USP40: variants seen among roughly 807,000 people sequenced by gnomAD.
USP40 encodes ubiquitin specific peptidase 40.
A neutral mutation model predicts 166.2 loss-of-function variants in USP40; 143 were observed. The observed-to-expected ratio is 0.86, with a 90% CI of 0.75 to 0.99. USP40 has a LOEUF of 0.99. Ranked by LOEUF, USP40 falls within the 50% of genes least tolerant of loss-of-function variation. The probability of loss-of-function intolerance (pLI) is 0.00; values close to 1 mark genes in which losing one functional copy is unlikely to be tolerated. For missense variants in USP40, 1,444 were observed against 1,479.7 expected (o/e 0.98, Z 0.40); for synonymous variants, 498 against 524.0 (o/e 0.95, Z 0.68).
chr2:233,557,698 T>C (rs1364828164), intron 4 of USP40, among the ~76,000 whole-genome samples: 2 of 151,960 alleles, frequency 1.3e-5, no homozygotes, highest in African/African-American at 2.4e-5. Flanking sequence ...AGGAGGGTGG[T>C]GAGTGCTGCT....
In USP40 at chr2:233,499,948, T is replaced by C. The variant is rs757802229; in HGVS notation, c.2614-33A>G. The stretch of plus-strand genomic sequence containing the variant: ...GAAAAACAATGTCCAATGTTAGTTT[T>C]CTGTTTCTGAGTTACAGTTCTAGGA... On this transcript the variant is annotated intron_variant, in intron 21 of 31. Coordinates refer to ENST00000678225, the MANE Select transcript of USP40 (RefSeq NM_001365479.2). The C allele has an allele frequency of 2.5e-6, 4 of 1,602,838 alleles. No individual in the cohort carries two copies. The East Asian group carries it at 8.9e-5, about 36-fold the overall frequency.
chr2:233,519,547 T>C (rs1224303546), intron 18 of USP40, 67 bp downstream of exon 18: 3 of 1,045,406 alleles, frequency 2.9e-6, no homozygotes, highest in Non-Finnish European at 4.3e-6. Context: ...TATTCTCCTA[T>C]ATTTTCTTCA....
chr2:233,532,365 T>A (rs2125272578), intron 11 of USP40, among the ~76,000 whole-genome samples: 1 of 152,332 alleles, frequency 6.6e-6, no homozygotes, highest in South Asian at 2.1e-4. Flanking sequence ...GTGACCTTTG[T>A]AACTTCACTT....
At position 233,551,523 on chromosome 2, in the gene USP40, T is replaced by G; in HGVS notation, c.694-4A>C. ...GCAGCTTACGTAATTTGGCCGACTG[T>G]TAAAAGAAAAATTTACAAAGCTTTT... On this transcript the variant is annotated splice_polypyrimidine_tract_variant and splice_region_variant and intron_variant, in intron 6 of 31. Coordinates refer to ENST00000678225, the MANE Select transcript of USP40 (RefSeq NM_001365479.2). The G allele has an allele frequency of 6.3e-7, 1 of 1,581,218 alleles. No individual in the cohort carries two copies. Among genetic ancestry groups the G allele is most frequent in the Non-Finnish European group, 8.6e-7 (1 of 1,167,188 alleles).
At chr2:233,523,032 T>C (rs890273264) in intron 16 of USP40, 138 bp downstream of exon 16, 1 of 967,224 alleles carries the variant, frequency 1.0e-6, no homozygotes, top group Non-Finnish European at 1.5e-6. Context: ...CATTCCTGTA[T>C]GCAATATTTA....
At position 233,566,745 on chromosome 2, in the gene USP40, G is replaced by A. The variant is rs1241398367; in HGVS notation, c.-81C>T. 1 of 985,964 alleles carries A rather than the reference G, an allele frequency of 1.0e-6. No individual in the cohort carries two copies. Among genetic ancestry groups the A allele is most frequent in the Non-Finnish European group, 1.2e-6 (1 of 829,982 alleles). The allele number at this position is 985,964 out of a possible 1,614,324, so 61.1% of individuals were successfully genotyped here. On this transcript the variant is annotated 5_prime_UTR_variant, in exon 1 of 32. Transcript: ENST00000678225. ...GAAGCGAACGAACCCGCCCCAACTG[G>A]GCGCCGCCATGTTGGCGAGGGCGGG...
At chr2:233,487,012 C>T (rs1270986033) in intron 28 of USP40, among the ~76,000 whole-genome samples, 1 of 152,196 alleles carries the variant, frequency 6.6e-6, no homozygotes, top group African/African-American at 2.4e-5. Context: ...ACAGAAAAGC[C>T]CATGGAAGGG....
At chr2:233,484,949 G>C (rs751526585) in intron 30 of USP40, among the ~76,000 whole-genome samples, 1 of 152,136 alleles carries the variant, frequency 6.6e-6, no homozygotes, top group Non-Finnish European at 1.5e-5. Flanking sequence ...TCCTTACTTT[G>C]GGTCCCACTT....
chr2:233,542,496 A>G, intron 8 of USP40, 133 bp from the exon 9 acceptor site: 1 of 571,150 alleles, frequency 1.8e-6, no homozygotes, highest in Non-Finnish European at 3.1e-6. Flanking sequence ...GGACTGCTTG[A>G]GCCAGGAGTT....
intron 15 of USP40, among the ~76,000 whole-genome samples, chr2:233,523,898 C>A (rs189003460): frequency 4.9e-4 from 74 of 152,186 alleles, no homozygotes; most frequent in African/African-American, 1.4e-3. Context: ...TATGCACAGA[C>A]CCCCTACTCC....
intron 30 of USP40, among the ~76,000 whole-genome samples, chr2:233,483,028 T>G (rs973909161): frequency 6.6e-6 from 1 of 152,192 alleles, no homozygotes; most frequent in Non-Finnish European, 1.5e-5. Context: ...GCAGAAGATC[T>G]GCTGTCTATG....
chr2:233,540,833 T>C, intron 9 of USP40, 64 bp from the exon 10 acceptor site: 1 of 1,170,992 alleles, frequency 8.5e-7, no homozygotes, highest in Admixed American at 1.8e-5. Flanking sequence ...CTTAACAAAT[T>C]CAAAGAGACC....
intron 3 of USP40, 84 bp from the exon 4 acceptor site, chr2:233,560,008 T>A (rs2071431912): frequency 1.2e-6 from 1 of 850,790 alleles, no homozygotes; most frequent in East Asian, 2.9e-5. Flanking sequence ...CTAGCTTTTT[T>A]ATATCTCCCA....
chr2:233,547,415 C>A (rs191241222), intron 8 of USP40, among the ~76,000 whole-genome samples: 2 of 152,076 alleles, frequency 1.3e-5, no homozygotes, highest in African/African-American at 2.4e-5. Flanking sequence ...GAAATACAGA[C>A]GAACACTTTG....
intron 4 of USP40, among the ~76,000 whole-genome samples, chr2:233,558,880 A>G (rs2071332201): frequency 6.6e-6 from 1 of 152,174 alleles, no homozygotes; most frequent in African/African-American, 2.4e-5. Flanking sequence ...GGAATGTATT[A>G]TACCCCATTT....
At chr2:233,512,443 A>G in intron 19 of USP40, 126 bp downstream of exon 19, 1 of 475,072 alleles carries the variant, frequency 2.1e-6, no homozygotes, top group Non-Finnish European at 3.6e-6. Context: ...GATACCTGGA[A>G]GAAAATATGT....
intron 11 of USP40, among the ~76,000 whole-genome samples, chr2:233,530,455 T>C (rs944610053): frequency 1.3e-5 from 2 of 152,206 alleles, no homozygotes; most frequent in Non-Finnish European, 2.9e-5. Flanking sequence ...TCTTTGAGCA[T>C]CAACATTCAT....
intron 18 of USP40, chr2:233,513,002 T>C (rs1363292981): frequency 6.6e-6 from 1 of 152,652 alleles, no homozygotes; most frequent in Non-Finnish European, 1.5e-5. Flanking sequence ...ATACATGTAT[T>C]GGGAAAGGAA....
intron 7 of USP40, 27 bp from the exon 8 acceptor site, chr2:233,549,256 G>A: frequency 8.3e-7 from 1 of 1,212,022 alleles, no homozygotes; most frequent in Non-Finnish European, 1.1e-6. Context: ...CAAAAATATT[G>A]ATATAGTTTT....
Sources: allele counts gnomAD v4.1 joint callset (sites outside exome capture counted in the v4.1 genomes callset), GRCh38; gene constraint gnomAD v4.1.1; transcripts MANE v1.5; gene names NCBI Gene and HGNC (gene_info 2026-07-23, HGNC 2026-07-21).